The following KIZ variants were observed in gnomAD, a reference collection of about 807,000 sequenced individuals.
The protein encoded by KIZ is centrosomal protein kizuna.
KIZ carries 68 observed loss-of-function variants against 79.6 expected under a neutral mutation model. That is an observed-to-expected ratio of 0.85 (90% CI 0.70 to 1.05). The LOEUF is 1.05. KIZ is among the 50% of genes least tolerant of loss of function. KIZ has a pLI of 0.00. For missense variants in KIZ, 797 were observed against 800.4 expected (o/e 1.00, Z 0.05); for synonymous variants, 280 against 281.8 (o/e 0.99, Z 0.06).
Position 21,244,298 on chromosome 20 carries a change from A to G in KIZ, c.1924+10A>G, listed in dbSNP as rs1569011410. ...AATTTAAAATCTAATGGTGAGAGAG[A>G]TAATCGGACACTAGATTTTCTTTTT... On this transcript the variant is annotated intron_variant, in intron 12 of 12. Transcript: ENST00000619189. 2 of 1,574,252 alleles carry G rather than the reference A, an allele frequency of 1.3e-6. No individual in the cohort carries two copies. Among genetic ancestry groups the G allele is most frequent in the Non-Finnish European group, 1.7e-6 (2 of 1,146,266 alleles).
At chr20:21,223,839 T>G (rs2123384679) in intron 9 of KIZ, among the ~76,000 whole-genome samples, 1 of 151,184 alleles carries the variant, frequency 6.6e-6, no homozygotes, top group Non-Finnish European at 1.5e-5. Flanking sequence ...CCAGCTAATT[T>G]TTGTATTTTT....
intron 4 of KIZ, among the ~76,000 whole-genome samples, chr20:21,156,877 T>TA (rs764905125): frequency 7.2e-5 from 11 of 152,186 alleles, no homozygotes; most frequent in Admixed American, 1.3e-4. Flanking sequence ...ATAAATGGGA[T>TA]AAAATGTAAA....
rs36064635 is a variant in KIZ at position 21,214,576 on chromosome 20, C to T, written c.1488C>T (p.Gly496=). The change falls in exon 8 of 13, where the codon GGC becomes GGT. Residue 496 remains glycine, a synonymous_variant. Coordinates refer to ENST00000619189, the MANE Select transcript of KIZ (RefSeq NM_018474.6). ...LLRKALTEEC[G]RRSAIHSSES... Reference sequence around the variant, plus strand: ...GAAAAGCCCTTACAGAAGAGTGTGGCCGTAGGTCAGCTATTCACAGTAGTG... The same window carrying T: ...GAAAAGCCCTTACAGAAGAGTGTGGTCGTAGGTCAGCTATTCACAGTAGTG... The T allele has an allele frequency of 1.1e-3, 1,853 of 1,613,290 alleles. 27 individuals carry two copies. In the African/African-American group the frequency reaches 0.023, roughly 20 times the overall value.
intron 11 of KIZ, among the ~76,000 whole-genome samples, chr20:21,234,751 A>G (rs958197893): frequency 6.7e-6 from 1 of 150,330 alleles, no homozygotes; most frequent in African/African-American, 2.4e-5. Context: ...CAAAAAAAGA[A>G]AAAAAAAAAA....
In KIZ at chr20:21,184,146, CT is replaced by C. The variant is rs545005735; in HGVS notation, c.1352+21005del. Among the ~76,000 whole-genome samples, 917 of 137,638 alleles carry C rather than the reference CT, an allele frequency of 6.7e-3. 2 individuals carry two copies. The highest frequency in any genetic ancestry group is 0.015 in the African/African-American group (584 of 38,094). 90.3% of individuals were successfully genotyped at this position (137,638 alleles called of 152,430 possible). ...CTTTCCTTCTCTGCATCCCTGACAT[CT>C]TTTTTTTTTTTTTTTTTGAGTCAGA... On this transcript the variant is annotated intron_variant, in intron 6 of 12. Coordinates refer to ENST00000619189, the MANE Select transcript of KIZ (RefSeq NM_018474.6).
chr20:21,133,467 G>T (rs2031977470), intron 2 of KIZ, among the ~76,000 whole-genome samples: 1 of 152,230 alleles, frequency 6.6e-6, no homozygotes, highest in Non-Finnish European at 1.5e-5. Flanking sequence ...GTTTCATGCA[G>T]TCTGTTCTTG....
intron 6 of KIZ, among the ~76,000 whole-genome samples, chr20:21,185,444 C>G (rs997990505): frequency 5.3e-5 from 7 of 133,302 alleles, no homozygotes; most frequent in African/African-American, 2.0e-4. Flanking sequence ...GATTCTCACT[C>G]TGTCACCCAG....
intron 3 of KIZ, among the ~76,000 whole-genome samples, chr20:21,142,722 G>A (rs1216905642): frequency 6.6e-6 from 1 of 151,994 alleles, no homozygotes; most frequent in African/African-American, 2.4e-5. Context: ...AGCCTGGGAG[G>A]TTGAAGGGCA....
intron 6 of KIZ, among the ~76,000 whole-genome samples, chr20:21,172,340 A>G (rs2122811504): frequency 6.6e-6 from 1 of 152,294 alleles, no homozygotes; most frequent in East Asian, 1.9e-4. Flanking sequence ...CACGGTGACT[A>G]ACGTGTAATC....
At chr20:21,164,856 G>A (rs559077741) in intron 6 of KIZ, among the ~76,000 whole-genome samples, 4 of 152,196 alleles carry the variant, frequency 2.6e-5, no homozygotes, top group African/African-American at 4.8e-5. Context: ...GAATGAAAAT[G>A]TCAGTCAGCA....
chr20:21,203,467 G>A (rs1188610435), intron 6 of KIZ, among the ~76,000 whole-genome samples: 1 of 152,164 alleles, frequency 6.6e-6, no homozygotes, highest in Non-Finnish European at 1.5e-5. Context: ...TACTAAGACC[G>A]ATCTGTGGGT....
Position 21,132,174 on chromosome 20 carries a change from TG to T in KIZ, c.152+18del. ...GATACATGCAGGTAAGAGACGACAG[TG>T]GGAACAGTTTTCAAGCCAGGTTCCA... On this transcript the variant is annotated intron_variant, in intron 2 of 12. Transcript: ENST00000619189. The T allele has an allele frequency of 7.5e-7, 1 of 1,341,482 alleles. No individual in the cohort carries two copies. The highest frequency in any genetic ancestry group is 2.3e-5 in the Admixed American group (1 of 42,700). 83.1% of individuals were successfully genotyped at this position (1,341,482 alleles called of 1,614,324 possible). A position where few individuals can be genotyped will look rare whatever the true frequency, so the allele number is the denominator to read the frequency against.
intron 6 of KIZ, among the ~76,000 whole-genome samples, chr20:21,177,279 G>T (rs550618536): frequency 1.3e-5 from 2 of 152,012 alleles, no homozygotes; most frequent in Non-Finnish European, 2.9e-5. Context: ...GTGAATAGTC[G>T]TATGAACTGA....
At chr20:21,241,806 G>C (rs1195789949) in intron 11 of KIZ, among the ~76,000 whole-genome samples, 1 of 152,144 alleles carries the variant, frequency 6.6e-6, no homozygotes, top group Non-Finnish European at 1.5e-5. Flanking sequence ...ACACACACTC[G>C]CATAGATGTT....
intron 6 of KIZ, among the ~76,000 whole-genome samples, chr20:21,169,125 C>T (rs1343455397): frequency 6.6e-6 from 1 of 152,134 alleles, no homozygotes; most frequent in African/African-American, 2.4e-5. Context: ...GCAAAAGAAA[C>T]AACCATCAGA....
chr20:21,210,062 A>T (rs917446842), intron 7 of KIZ, among the ~76,000 whole-genome samples: 10 of 152,100 alleles, frequency 6.6e-5, no homozygotes, highest in African/African-American at 2.4e-4. Context: ...TAATATATTG[A>T]TATGAGAGGC....
intron 6 of KIZ, among the ~76,000 whole-genome samples, chr20:21,184,441 C>T (rs1355648305): frequency 2.6e-5 from 4 of 152,220 alleles, no homozygotes; most frequent in Non-Finnish European, 4.4e-5. Context: ...TGAGCCACCA[C>T]GCCCGGTCCC....
At chr20:21,212,838 G>A (rs2036123715) in intron 7 of KIZ, among the ~76,000 whole-genome samples, 2 of 152,214 alleles carry the variant, frequency 1.3e-5, no homozygotes, top group East Asian at 1.9e-4. Context: ...TGGGATGGGG[G>A]CAGTGATGGG....
chr20:21,172,726 C>T (rs1476464291), intron 6 of KIZ, among the ~76,000 whole-genome samples: 2 of 152,256 alleles, frequency 1.3e-5, no homozygotes, highest in South Asian at 2.1e-4. Context: ...TGAGTAGGAC[C>T]TGAAGTGGGA....
Sources: gnomAD v4.1 joint callset for allele counts (sites outside exome capture counted in the v4.1 genomes callset) on GRCh38, gnomAD v4.1.1 for gene constraint, MANE v1.5 for transcripts, NCBI Gene and HGNC (gene_info 2026-07-23, HGNC 2026-07-21) for gene names.